Variants in CDH13 observed in about 807,000 individuals in gnomAD.
CDH13 encodes the protein cadherin 13.
CDH13 carries 24 observed loss-of-function variants against 63.8 expected under a neutral mutation model. The ratio of observed to expected loss-of-function variants is 0.38; its 90% CI spans 0.27 to 0.53. The LOEUF (loss-of-function observed/expected upper bound fraction) is 0.53. CDH13 is among the 20% of genes least tolerant of loss of function. CDH13 has a pLI of 0.85. For synonymous variants in CDH13, 503 were observed against 355.3 expected (o/e 1.42, Z -4.67); for missense variants, 1,049 against 903.1 (o/e 1.16, Z -2.07).
At chr16:83,213,643 T>C (rs1026559018) in intron 4 of CDH13, among the ~76,000 whole-genome samples, 1 of 152,142 alleles carries the variant, frequency 6.6e-6, no homozygotes, top group African/African-American at 2.4e-5. Flanking sequence ...TCAGAATGCA[T>C]TGTATGTTAA....
chr16:83,146,206 A>AAAAAAAAAAAG (rs1472391722), intron 4 of CDH13, among the ~76,000 whole-genome samples: 12 of 147,736 alleles, frequency 8.1e-5, no homozygotes, highest in African/African-American at 3.2e-4. Context: ...AAAAAAAAAA[A>AAAAAAAAAAAG]AAAAGAAAAG....
intron 5 of CDH13, among the ~76,000 whole-genome samples, chr16:83,308,443 G>C (rs1370234311): frequency 6.6e-6 from 1 of 152,188 alleles, no homozygotes; most frequent in Non-Finnish European, 1.5e-5. Flanking sequence ...ATTCTCAGAA[G>C]ATCTCCTACA....
At chr16:82,808,552 C>G (rs2037274538) in intron 1 of CDH13, among the ~76,000 whole-genome samples, 1 of 152,144 alleles carries the variant, frequency 6.6e-6, no homozygotes, top group Non-Finnish European at 1.5e-5. Context: ...GATAGGTACA[C>G]AAGGACATCA....
chr16:83,366,573 G>A (rs529055154), intron 6 of CDH13, among the ~76,000 whole-genome samples: 1 of 152,296 alleles, frequency 6.6e-6, no homozygotes, highest in South Asian at 2.1e-4. Context: ...CTGCGATTGG[G>A]ATAAGCTACC....
chr16:83,232,780 A>G (rs1392993522), intron 5 of CDH13, among the ~76,000 whole-genome samples: 1 of 149,972 alleles, frequency 6.7e-6, no homozygotes. Context: ...GTATTTTTTT[A>G]TAGCAATGCA....
intron 7 of CDH13, among the ~76,000 whole-genome samples, chr16:83,512,523 C>T (rs943108505): frequency 1.3e-5 from 2 of 150,810 alleles, no homozygotes; most frequent in Non-Finnish European, 3.0e-5. Context: ...CAAAAATTAG[C>T]CAGGTGTGGT....
chr16:83,608,798 G>A (rs1345245829), intron 8 of CDH13, among the ~76,000 whole-genome samples: 1 of 151,496 alleles, frequency 6.6e-6, no homozygotes, highest in East Asian at 1.9e-4. Flanking sequence ...ATGAGCCACT[G>A]TGCCCAGCCA....
chr16:83,000,223 A>ATTTGT (rs1912728944), intron 2 of CDH13, among the ~76,000 whole-genome samples: 1 of 36,986 alleles, frequency 2.7e-5, no homozygotes, highest in Non-Finnish European at 6.0e-5. Flanking sequence ...GGTTTAGCTT[A>ATTTGT]TTTTTTTTTT....
chr16:83,079,631 T>C (rs2033101475), intron 3 of CDH13, among the ~76,000 whole-genome samples: 3 of 152,242 alleles, frequency 2.0e-5, no homozygotes, highest in Admixed American at 1.3e-4. Flanking sequence ...TAGTTGTCAT[T>C]GTTACCATTA....
chr16:83,461,614 G>A (rs186827386), intron 6 of CDH13, among the ~76,000 whole-genome samples: 1 of 152,308 alleles, frequency 6.6e-6, no homozygotes, highest in African/African-American at 2.4e-5. Context: ...TCTGCCCAGA[G>A]AGCTAATTTC....
At chr16:83,238,749 T>C (rs1904287885) in intron 5 of CDH13, among the ~76,000 whole-genome samples, 1 of 151,886 alleles carries the variant, frequency 6.6e-6, no homozygotes, top group Admixed American at 6.6e-5. Context: ...TTTTTGTTTG[T>C]TTGTTTGTTT....
chr16:83,437,492 A>G (rs1054988779), intron 6 of CDH13, among the ~76,000 whole-genome samples: 1 of 152,050 alleles, frequency 6.6e-6, no homozygotes, highest in Admixed American at 6.6e-5. Context: ...CCTGGCTAAC[A>G]CAGTGAAACC....
At chr16:83,007,109 A>G (rs1913604339) in intron 2 of CDH13, among the ~76,000 whole-genome samples, 1 of 151,992 alleles carries the variant, frequency 6.6e-6, no homozygotes, top group Admixed American at 6.6e-5. Flanking sequence ...TGTGGTAGAG[A>G]CGGGGTTTCT....
At chr16:83,009,349 A>G (rs931214769) in intron 2 of CDH13, among the ~76,000 whole-genome samples, 1 of 152,238 alleles carries the variant, frequency 6.6e-6, no homozygotes, top group African/African-American at 2.4e-5. Flanking sequence ...TTAGATTATG[A>G]TATTTATTCA....
intron 5 of CDH13, among the ~76,000 whole-genome samples, chr16:83,257,640 T>C (rs1040028766): frequency 1.2e-4 from 19 of 152,242 alleles, no homozygotes; most frequent in African/African-American, 4.6e-4. Flanking sequence ...GGCGTATATG[T>C]ACCACCTTTT....
chr16:83,009,619 A>G (rs1325361510), intron 2 of CDH13, among the ~76,000 whole-genome samples: 1 of 152,178 alleles, frequency 6.6e-6, no homozygotes, highest in Non-Finnish European at 1.5e-5. Context: ...TCCAAAGCCA[A>G]TATTCTCTCT....
At chr16:83,664,475 T>G (rs1198989103) in intron 8 of CDH13, among the ~76,000 whole-genome samples, 1 of 150,944 alleles carries the variant, frequency 6.6e-6, no homozygotes, top group Non-Finnish European at 1.5e-5. Context: ...GTTTAAAATT[T>G]TTATGTAAAT....
intron 2 of CDH13, among the ~76,000 whole-genome samples, chr16:82,877,836 G>T (rs558224718): frequency 6.6e-6 from 1 of 150,770 alleles, no homozygotes; most frequent in African/African-American, 2.4e-5. Flanking sequence ...GTGTAACCTG[G>T]GGGCCAGGGA....
intron 10 of CDH13, among the ~76,000 whole-genome samples, chr16:83,707,448 C>A (rs750251882): frequency 1.3e-5 from 2 of 152,322 alleles, no homozygotes; most frequent in South Asian, 2.1e-4. Context: ...TCTCTGTGTA[C>A]TGTCATTCAC....
Sources: gnomAD v4.1 joint callset for allele counts (sites outside exome capture counted in the v4.1 genomes callset) on GRCh38, gnomAD v4.1.1 for gene constraint, MANE v1.5 for transcripts, NCBI Gene and HGNC (gene_info 2026-07-23, HGNC 2026-07-21) for gene names.